The following CDKL1 variants were observed in gnomAD, a reference collection of about 807,000 sequenced individuals.
The protein encoded by CDKL1 is cyclin dependent kinase like 1, also known as cyclin-dependent kinase-like 1.
Under a neutral mutation model 42.0 loss-of-function variants are expected in CDKL1, and 41 were observed. The observed-to-expected ratio is 0.98, with a 90% CI of 0.76 to 1.27. The LOEUF is 1.27. Among genes scored for constraint, CDKL1 ranks in the 50% most tolerant of loss-of-function variants. The probability of loss-of-function intolerance (pLI) is 0.00; values close to 1 mark genes in which losing one functional copy is unlikely to be tolerated. For synonymous variants in CDKL1, 153 were observed against 158.6 expected (o/e 0.96, Z 0.26); for missense variants, 394 against 428.4 (o/e 0.92, Z 0.71).
intron 6 of CDKL1, among the ~76,000 whole-genome samples, chr14:50,339,404 C>G (rs1356035405): frequency 6.6e-6 from 1 of 152,066 alleles, no homozygotes; most frequent in African/African-American, 2.4e-5. Context: ...AAATCAAAAT[C>G]ATATTAACTG....
At chr14:50,387,236 G>C (rs1480581862) in intron 2 of CDKL1, among the ~76,000 whole-genome samples, 1 of 148,162 alleles carries the variant, frequency 6.7e-6, no homozygotes, top group African/African-American at 2.5e-5. Context: ...GGGTGGGGGT[G>C]GTGGGCCTGA....
At chr14:50,394,554 G>A (rs540400586) in intron 2 of CDKL1, among the ~76,000 whole-genome samples, 5 of 152,318 alleles carry the variant, frequency 3.3e-5, no homozygotes, top group African/African-American at 1.2e-4. Flanking sequence ...GGAGAAGCAA[G>A]AATAATAGTA....
rs2032835116 is a variant in CDKL1 at position 50,329,739 on chromosome 14, G to A, written c.*335C>T. 1 of 200,788 alleles carries A rather than the reference G, an allele frequency of 5.0e-6. No individual in the cohort carries two copies. The highest frequency in any genetic ancestry group is 1.0e-5 in the Non-Finnish European group (1 of 99,060). 12.4% of individuals were successfully genotyped at this position (200,788 alleles called of 1,614,324 possible). A position where few individuals can be genotyped will look rare whatever the true frequency, so the allele number is the denominator to read the frequency against. ...GTGGTTCATTTTTCTTGTGTGGCAT[G>A]TGGTACAACTGAAGCATAAATCTTT... On this transcript the variant is annotated 3_prime_UTR_variant, in exon 10 of 10. Coordinates refer to ENST00000395834, the MANE Select transcript of CDKL1 (RefSeq NM_004196.7).
upstream of CDKL1, chr14:50,396,960 C>T: frequency 1.6e-6 from 1 of 628,394 alleles, no homozygotes. Flanking sequence ...CCGCCGCGCC[C>T]CAGCTTCCCA....
intron 4 of CDKL1, 133 bp from the exon 5 acceptor site, chr14:50,342,355 G>T: frequency 6.9e-7 from 1 of 1,457,564 alleles, no homozygotes; most frequent in Non-Finnish European, 9.1e-7. Flanking sequence ...AACAGCAAAA[G>T]AGCAGCCTAA....
At chr14:50,360,983 G>A (rs970154830) in intron 2 of CDKL1, among the ~76,000 whole-genome samples, 2 of 152,090 alleles carry the variant, frequency 1.3e-5, no homozygotes, top group Non-Finnish European at 2.9e-5. Context: ...TTTAGCTATC[G>A]TGAATAATGC....
Position 50,326,631 on chromosome 14 carries a change from A to C in CDKL1, c.*3443T>G. ...GTCTATTTTGTAAGCTTAGGCTACT[A>C]TTTTATTAAAACTGGACATAGATAC... On this transcript the variant is annotated 3_prime_UTR_variant, in exon 10 of 10. Transcript: ENST00000395834. The C allele has an allele frequency of 1.0e-6, 1 of 985,464 alleles. No homozygotes were observed. The highest frequency in any genetic ancestry group is 1.2e-6 in the Non-Finnish European group (1 of 829,924). 61.0% of individuals were successfully genotyped at this position (985,464 alleles called of 1,614,324 possible).
chr14:50,340,971 C>T (rs1031757183), intron 6 of CDKL1, 61 bp downstream of exon 6: 5 of 1,576,618 alleles, frequency 3.2e-6, no homozygotes, highest in Admixed American at 3.4e-5. Flanking sequence ...CTTGGCTCTG[C>T]CCTGCCCCAA....
At chr14:50,357,736 T>A (rs2034098713) in intron 3 of CDKL1, among the ~76,000 whole-genome samples, 1 of 152,232 alleles carries the variant, frequency 6.6e-6, no homozygotes, top group Admixed American at 6.5e-5. Context: ...CTAGACTTAA[T>A]GTGCAGATGC....
At chr14:50,351,596 G>A (rs187538482) in intron 3 of CDKL1, among the ~76,000 whole-genome samples, 2 of 151,894 alleles carry the variant, frequency 1.3e-5, no homozygotes, top group African/African-American at 2.4e-5. Context: ...TTAGCCAAGC[G>A]TGGTGGCAGG....
chr14:50,362,893 G>T, intron 2 of CDKL1: 1 of 429,714 alleles, frequency 2.3e-6, no homozygotes. Flanking sequence ...AACCTACCCT[G>T]GGCACCATTC....
chr14:50,385,572 A>C (rs573418753), intron 2 of CDKL1, among the ~76,000 whole-genome samples: 1 of 151,986 alleles, frequency 6.6e-6, no homozygotes, highest in Non-Finnish European at 1.5e-5. Flanking sequence ...TTGGGAGGCC[A>C]AGGCGGGTGG....
chr14:50,395,725 G>T lies in CDKL1; in HGVS notation c.144C>A (p.Ala48=). 6.2e-7 allele frequency: 1 copy of T among 1,612,510 alleles called. No homozygotes were observed. The highest frequency in any genetic ancestry group is 1.1e-5 in the South Asian group (1 of 90,962). ...SEDDPVIKKI[A]LREIRMLKQL... ...CCTTGAGCATTCGGATTTCCCGAAG[G>T]GCAATTTTCTTTATGACAGGGTCAT... Residue 48 remains alanine (A), a synonymous_variant, in exon 2 of 10, where the codon GCC becomes GCA. Transcript: ENST00000395834.
Position 50,396,446 on chromosome 14 carries a change from C to T in CDKL1, c.-461-117G>A, listed in dbSNP as rs1199362271. The T allele has an allele frequency of 3.0e-6, 3 of 985,150 alleles. No homozygotes were observed. The African/African-American group carries it at 5.2e-5, about 17-fold the overall frequency. The allele number at this position is 985,150 out of a possible 1,614,324, so 61.0% of individuals were successfully genotyped here. A position where few individuals can be genotyped will look rare whatever the true frequency, so the allele number is the denominator to read the frequency against. ...CTCCAGTAACCCGATTTTAATCGCC[C>T]GTTAAATACCCTGTAAGTTAAAATG... On this transcript the variant is annotated intron_variant, in intron 1 of 9. Coordinates refer to ENST00000395834, the MANE Select transcript of CDKL1 (RefSeq NM_004196.7).
chr14:50,353,254 C>T lies in CDKL1; in HGVS notation c.290+5774G>A, dbSNP rs374489206. Among the ~76,000 whole-genome samples, 29 of 152,286 alleles carry T rather than the reference C, an allele frequency of 1.9e-4. No homozygotes were observed. The South Asian group carries it at 5.0e-3, about 26-fold the overall frequency. ...AAAATCAGACAGACAGAAATGTAAA[C>T]GACTACCATATGAAAGTGAAGACAT... On this transcript the variant is annotated intron_variant, in intron 3 of 9. Transcript: ENST00000395834.
intron 2 of CDKL1, among the ~76,000 whole-genome samples, chr14:50,394,066 G>A (rs1005557908): frequency 1.3e-5 from 2 of 152,220 alleles, no homozygotes; most frequent in Non-Finnish European, 2.9e-5. Flanking sequence ...TGTTAATGTA[G>A]TATTGATAAA....
chr14:50,346,950 G>C (rs1383309400), intron 3 of CDKL1, among the ~76,000 whole-genome samples: 1 of 152,006 alleles, frequency 6.6e-6, no homozygotes, highest in Non-Finnish European at 1.5e-5. Flanking sequence ...TGCCCGGCCT[G>C]CAAATTAAGT....
chr14:50,329,920 C>G lies in CDKL1; in HGVS notation c.*154G>C. ...CATGGAAGACTGGATCTGGAATTTC[C>G]CTTCATATCTTGCCAGTTGGCCTCC... is the stretch of plus-strand genomic sequence containing the variant. On this transcript the variant is annotated 3_prime_UTR_variant, in exon 10 of 10. Coordinates refer to ENST00000395834, the MANE Select transcript of CDKL1 (RefSeq NM_004196.7). The G allele has an allele frequency of 1.2e-6, 1 of 861,916 alleles. No homozygotes were observed. Among genetic ancestry groups the G allele is most frequent in the Non-Finnish European group, 1.7e-6 (1 of 591,308 alleles). 53.4% of individuals were successfully genotyped at this position (861,916 alleles called of 1,614,324 possible).
Position 50,332,358 on chromosome 14 carries a change from G to A in CDKL1, c.870C>T (p.Ile290=), listed in dbSNP as rs764059459. The A allele has an allele frequency of 2.1e-5, 34 of 1,613,954 alleles. No homozygotes were observed. Among genetic ancestry groups the A allele is most frequent in the Non-Finnish European group, 2.5e-5 (30 of 1,180,022 alleles). Residue 290 remains isoleucine (I), a synonymous_variant, in exon 9 of 10, where the codon ATC becomes ATT. Transcript: ENST00000395834. ...QLLHHPYFEN[I]REIEDLAKEH... is the part of the protein sequence containing the mutation. The stretch of plus-strand genomic sequence containing the variant: ...CTTTTGCCAAATCCTCTATTTCTCT[G>A]ATGTTTTCAAAATATGGGTGATGCA...
Sources: allele counts gnomAD v4.1 joint callset (sites outside exome capture counted in the v4.1 genomes callset), GRCh38; gene constraint gnomAD v4.1.1; transcripts MANE v1.5; gene names NCBI Gene and HGNC (gene_info 2026-07-23, HGNC 2026-07-21).